Variants in SOCS5 observed in about 807,000 individuals in gnomAD.
SOCS5 encodes CIS-6.
A neutral mutation model predicts 42.8 loss-of-function variants in SOCS5; 32 were observed. The observed-to-expected ratio is 0.75, with a 90% confidence interval of 0.56 to 1.01. SOCS5 has a LOEUF of 1.01. SOCS5 is among the 50% of genes least tolerant of loss of function. The pLI, the probability that SOCS5 is intolerant of heterozygous loss-of-function variation, is 0.00. For synonymous variants in SOCS5, 283 were observed against 229.6 expected, an observed-to-expected ratio of 1.23 and a Z score of -2.10; for missense variants, 627 against 653.0, an observed-to-expected ratio of 0.96 and a Z score of 0.43.
chr2:46,757,011 TC>T (rs2103763176), intron 1 of SOCS5, among the ~76,000 whole-genome samples: 1 of 152,288 alleles, frequency 6.6e-6, no homozygotes, highest in South Asian at 2.1e-4. Context: ...TGTACAAACT[TC>T]CTATGTGCCT....
intron 1 of SOCS5, among the ~76,000 whole-genome samples, chr2:46,719,823 G>C (rs971278328): frequency 5.9e-5 from 9 of 152,180 alleles, no homozygotes; most frequent in African/African-American, 2.2e-4. Context: ...AGACCTGAAA[G>C]AAGAATGACC....
chr2:46,735,190 G>A (rs145774619), intron 1 of SOCS5, among the ~76,000 whole-genome samples: 1 of 152,110 alleles, frequency 6.6e-6, no homozygotes, highest in Non-Finnish European at 1.5e-5. Context: ...TGCAGTGTAG[G>A]GCTAAAATGA....
intron 1 of SOCS5, among the ~76,000 whole-genome samples, chr2:46,733,698 A>G (rs1464765450): frequency 6.6e-6 from 1 of 152,228 alleles, no homozygotes; most frequent in Non-Finnish European, 1.5e-5. Context: ...ATAGATACGA[A>G]TGATTTGAAT....
At chr2:46,750,836 A>G (rs924409691) in intron 1 of SOCS5, among the ~76,000 whole-genome samples, 1 of 152,144 alleles carries the variant, frequency 6.6e-6, no homozygotes, top group African/African-American at 2.4e-5. Flanking sequence ...TTGAGTATGC[A>G]TGTGCTACCT....
intron 1 of SOCS5, among the ~76,000 whole-genome samples, chr2:46,753,983 C>G (rs1673681281): frequency 6.6e-6 from 1 of 152,164 alleles, no homozygotes; most frequent in African/African-American, 2.4e-5. Flanking sequence ...TTAACACAAT[C>G]TGTGTTTTAT....
At chr2:46,747,601 C>T (rs922989645) in intron 1 of SOCS5, among the ~76,000 whole-genome samples, 2 of 152,150 alleles carry the variant, frequency 1.3e-5, no homozygotes, top group East Asian at 1.9e-4. Context: ...TGGCCCTGGG[C>T]TGTTACACTT....
intron 1 of SOCS5, among the ~76,000 whole-genome samples, chr2:46,733,581 G>GAAAAAAAAA (rs78296105): frequency 1.1e-5 from 1 of 92,010 alleles, no homozygotes. Context: ...AAAAAAAAAA[G>GAAAAAAAAA]AAAAAAAAAA....
At position 46,759,607 on chromosome 2, in the gene SOCS5, C is replaced by G. The variant is rs781204986; in HGVS notation, c.1077C>G (p.Val359=). 6.2e-7 allele frequency: 1 copy of G among 1,613,966 alleles called. No homozygotes were observed. Among genetic ancestry groups the G allele is most frequent in the South Asian group, 1.1e-5 (1 of 91,074 alleles). ...THVSRQGAWK[V]HTQIDYIHCL... ...TTAGCAGACAGGGAGCTTGGAAAGT[C>G]CACACACAGATTGATTACATACACT... The change falls in exon 2 of 2, where the codon GTC becomes GTG. Residue 359 remains valine (V), a synonymous_variant. Transcript: ENST00000394861.
At chr2:46,728,808 T>C (rs6741706) in intron 1 of SOCS5, among the ~76,000 whole-genome samples, 112,660 of 152,048 alleles carry the variant, frequency 0.74, 42,305 homozygotes, top group African/African-American at 0.84. Flanking sequence ...TCGTCCATCT[T>C]GGCCTCCCAA....
At chr2:46,739,204 A>AG in intron 1 of SOCS5, among the ~76,000 whole-genome samples, 1 of 152,312 alleles carries the variant, frequency 6.6e-6, no homozygotes, top group Middle Eastern at 3.4e-3. Context: ...GGAGTCAAAG[A>AG]GAAAAAAAAC....
At chr2:46,709,807 A>T (rs1672576097) in intron 1 of SOCS5, among the ~76,000 whole-genome samples, 1 of 152,252 alleles carries the variant, frequency 6.6e-6, no homozygotes. Flanking sequence ...GACTTCAGTG[A>T]CAACTGTTAT....
intron 1 of SOCS5, among the ~76,000 whole-genome samples, chr2:46,750,750 A>G (rs1673604816): frequency 6.6e-6 from 1 of 152,200 alleles, no homozygotes; most frequent in East Asian, 1.9e-4. Context: ...TGGTAGGCCC[A>G]TGAATATACT....
chr2:46,706,057 A>G (rs1250392319), intron 1 of SOCS5, among the ~76,000 whole-genome samples: 1 of 152,242 alleles, frequency 6.6e-6, no homozygotes, highest in Non-Finnish European at 1.5e-5. Context: ...AAGTCCAAGA[A>G]TATGTTAAAC....
Position 46,712,756 on chromosome 2 carries a change from C to T in SOCS5, c.-13+13307C>T, listed in dbSNP as rs115650987. On this transcript the variant is annotated intron_variant, in intron 1 of 1. Coordinates refer to ENST00000394861, the MANE Select transcript of SOCS5 (RefSeq NM_144949.3). ...ATTGGTATTTGATTATTAAACCAAC[C>T]TTGCATTCTTGAGATAAACTTGGTT... 2.7e-3 allele frequency among the ~76,000 whole-genome samples: 406 copies of T among 152,290 alleles called. 4 individuals are homozygous for T. Among genetic ancestry groups the T allele is most frequent in the African/African-American group, 9.4e-3 (389 of 41,542 alleles).
In SOCS5 at chr2:46,758,527, A is replaced by G. The variant is rs372918921; in HGVS notation, c.-4A>G. 29 of 1,573,170 alleles carry G rather than the reference A, an allele frequency of 1.8e-5. No homozygotes were observed. The highest frequency in any genetic ancestry group is 2.2e-5 in the Non-Finnish European group (26 of 1,163,438). On this transcript the variant is annotated 5_prime_UTR_variant, in exon 2 of 2. It removes the in-frame stop codon of an upstream open reading frame in the 5' UTR. Transcript: ENST00000394861. The stretch of plus-strand genomic sequence containing the variant: ...TGCTGTTTTGTCTTTAGATTTTATA[A>G]TCAATGGATAAAGTGGGAAAAATGT...
At chr2:46,756,329 G>A (rs535582645) in intron 1 of SOCS5, among the ~76,000 whole-genome samples, 18 of 152,290 alleles carry the variant, frequency 1.2e-4, no homozygotes, top group African/African-American at 4.3e-4. Flanking sequence ...AGGTGGATTA[G>A]GGTCAGTAAA....
chr2:46,703,056 T>G lies in SOCS5; in HGVS notation c.-13+3607T>G, dbSNP rs1029618506. Among the ~76,000 whole-genome samples, 11 of 152,252 alleles carry G rather than the reference T, an allele frequency of 7.2e-5. No homozygotes were observed. In the East Asian group the frequency reaches 1.2e-3, roughly 16 times the overall value. On this transcript the variant is annotated intron_variant, in intron 1 of 1. Transcript: ENST00000394861. ...TGCAAGAGCTCTATTTTAATGAGTA[T>G]GTTTTAACATTCATTTTCATTATTT...
At chr2:46,723,207 T>C (rs1376928582) in intron 1 of SOCS5, among the ~76,000 whole-genome samples, 2 of 152,080 alleles carry the variant, frequency 1.3e-5, no homozygotes, top group Non-Finnish European at 2.9e-5. Flanking sequence ...GTACTTTCGG[T>C]GTCATGTCTA....
intron 1 of SOCS5, among the ~76,000 whole-genome samples, chr2:46,717,187 C>T (rs1672766618): frequency 6.6e-6 from 1 of 152,158 alleles, no homozygotes; most frequent in Non-Finnish European, 1.5e-5. Context: ...CCTGCAAATT[C>T]TAGCTGTCTC....
Sources: gnomAD v4.1 joint callset for allele counts (sites outside exome capture counted in the v4.1 genomes callset) on GRCh38, gnomAD v4.1.1 for gene constraint, MANE v1.5 for transcripts, NCBI Gene and HGNC (gene_info 2026-07-23, HGNC 2026-07-21) for gene names.